Variants in KIR2DL3 observed in about 807,000 individuals in gnomAD.
KIR2DL3 encodes the protein killer cell immunoglobulin like receptor, two Ig domains and long cytoplasmic tail 3, also known as killer cell immunoglobulin-like receptor 2DL3.
A neutral mutation model predicts 33.8 loss-of-function variants in KIR2DL3; 39 were observed. That is an observed-to-expected ratio of 1.15 (90% CI 0.89 to 1.51). The LOEUF is 1.51. Among genes scored for constraint, KIR2DL3 ranks in the 40% most tolerant of loss-of-function variants. The probability of loss-of-function intolerance (pLI) is 0.00; values close to 1 mark genes in which losing one functional copy is unlikely to be tolerated. For missense variants in KIR2DL3, 462 were observed against 426.2 expected, an observed-to-expected ratio of 1.08 and a Z score of -0.74; for synonymous variants, 174 against 160.2, an observed-to-expected ratio of 1.09 and a Z score of -0.65.
In KIR2DL3 at chr19:54,741,487, A is replaced by G. The variant is rs1260606845; in HGVS notation, c.71-493A>G. Among the ~76,000 whole-genome samples, 7 of 152,272 alleles carry G rather than the reference A, an allele frequency of 4.6e-5. No individual in the cohort carries two copies. In the East Asian group the frequency reaches 9.7e-4, roughly 21 times the overall value. On this transcript the variant is annotated intron_variant, in intron 2 of 7. Coordinates refer to ENST00000342376, the MANE Select transcript of KIR2DL3 (RefSeq NM_015868.3). ...TCCAACCAGCACCAGGAGCCAGCCTATGGAAGCTGGCACCATGGAGAAGGC... is the reference window on the plus strand; with the variant it reads ...TCCAACCAGCACCAGGAGCCAGCCTGTGGAAGCTGGCACCATGGAGAAGGC...
chr19:54,741,964 C>G lies in KIR2DL3; in HGVS notation c.71-16C>G, dbSNP rs1174900767. 16 of 1,595,548 alleles carry G rather than the reference C, an allele frequency of 1.0e-5. No individual in the cohort carries two copies. The highest frequency in any genetic ancestry group is 1.4e-5 in the Non-Finnish European group (16 of 1,166,666). On this transcript the variant is annotated splice_polypyrimidine_tract_variant and intron_variant, in intron 2 of 7. Coordinates refer to ENST00000342376, the MANE Select transcript of KIR2DL3 (RefSeq NM_015868.3). ...TAAAGAGAGACACCTTCTAAACTCACAACCTCTCTTCCTAGGAGTCCACAG... is the reference window on the plus strand; with the variant it reads ...TAAAGAGAGACACCTTCTAAACTCAGAACCTCTCTTCCTAGGAGTCCACAG...
rs796320051 is a variant in KIR2DL3, at chr19:54,739,468, G to C, written c.35-39G>C. ...GGGGGCAGCAAGGGAGGCCTGGTTTGCCTGCAGATGGATGGTCCATCATGA... is the reference window on the plus strand; with the variant it reads ...GGGGGCAGCAAGGGAGGCCTGGTTTCCCTGCAGATGGATGGTCCATCATGA... On this transcript the variant is annotated intron_variant, in intron 1 of 7. Transcript: ENST00000342376. 1.5e-4 allele frequency: 240 copies of C among 1,613,554 alleles called. No individual in the cohort carries two copies. In the African/African-American group the frequency reaches 2.9e-3, roughly 19 times the overall value.
chr19:54,751,499 G>C, intron 5 of KIR2DL3, 150 bp from the exon 6 acceptor site: 2 of 682,090 alleles, frequency 2.9e-6, no homozygotes, highest in Non-Finnish European at 4.9e-6. Context: ...CTATAACTGA[G>C]AAAGCAGGAG....
chr19:54,738,678 A>T lies in KIR2DL3; in HGVS notation c.34+99A>T, dbSNP rs1303730610. The T allele has an allele frequency of 5.8e-6, 9 of 1,542,454 alleles. No individual in the cohort carries two copies. The South Asian group carries it at 1.0e-4, about 17-fold the overall frequency. On this transcript the variant is annotated intron_variant, in intron 1 of 7. Transcript: ENST00000342376. ...TGGAAGTGGAGTTATGGGCCTAGAGATGGAGTGATGGGCCTAGAAGTGGAG... is the reference window on the plus strand; with the variant it reads ...TGGAAGTGGAGTTATGGGCCTAGAGTTGGAGTGATGGGCCTAGAAGTGGAG...
At chr19:54,742,523 C>G (rs1035957430) in intron 3 of KIR2DL3, among the ~76,000 whole-genome samples, 1 of 152,048 alleles carries the variant, frequency 6.6e-6, no homozygotes, top group African/African-American at 2.4e-5. Context: ...TTAAAAGAGA[C>G]AGACAGACAG....
At chr19:54,742,766 A>T in intron 3 of KIR2DL3, among the ~76,000 whole-genome samples, 1 of 151,228 alleles carries the variant, frequency 6.6e-6, no homozygotes, top group East Asian at 1.9e-4. Context: ...TCGTCCCAGG[A>T]TATCATGGCC....
At chr19:54,745,479 C>T (rs1438406444) in intron 4 of KIR2DL3, among the ~76,000 whole-genome samples, 2 of 151,956 alleles carry the variant, frequency 1.3e-5, no homozygotes, top group East Asian at 3.9e-4. Flanking sequence ...TTTCCTGCCT[C>T]AGCCTCCCTA....
chr19:54,744,870 T>TTATATATATATATATATA (rs1185648350), intron 4 of KIR2DL3, among the ~76,000 whole-genome samples: 234 of 78,318 alleles, frequency 3.0e-3, no homozygotes, highest in Middle Eastern at 6.8e-3. Flanking sequence ...ATAAATACAT[T>TTATATATATATATATATA]TATATATATA....
At chr19:54,746,908 G>A (rs1291360683) in intron 4 of KIR2DL3, among the ~76,000 whole-genome samples, 1 of 148,002 alleles carries the variant, frequency 6.8e-6, no homozygotes, top group African/African-American at 2.5e-5. Flanking sequence ...ATTGAACCCA[G>A]GAGGCTGTGG....
At chr19:54,744,954 A>ATATATATTT (rs1398407460) in intron 4 of KIR2DL3, among the ~76,000 whole-genome samples, 2 of 31,274 alleles carry the variant, frequency 6.4e-5, no homozygotes, top group Non-Finnish European at 1.2e-4. Context: ...ATATATATAT[A>ATATATATTT]TTTTTTTTTT....
chr19:54,744,227 G>C, intron 4 of KIR2DL3, 139 bp downstream of exon 4: 1 of 1,381,824 alleles, frequency 7.2e-7, no homozygotes, highest in Non-Finnish European at 9.9e-7. Context: ...TCAGGGCACA[G>C]GATGGCAGAC....
At chr19:54,744,984 C>T (rs1268533068) in intron 4 of KIR2DL3, among the ~76,000 whole-genome samples, 4 of 102,382 alleles carry the variant, frequency 3.9e-5, no homozygotes, top group Non-Finnish European at 5.9e-5. Flanking sequence ...TTTTACCCTC[C>T]ACCCTTTTAT....
At chr19:54,740,560 G>T (rs1211869021) in intron 2 of KIR2DL3, among the ~76,000 whole-genome samples, 4 of 150,064 alleles carry the variant, frequency 2.7e-5, no homozygotes, top group African/African-American at 9.9e-5. Context: ...AGGTCAGAGG[G>T]CTCCTGTCTT....
At position 54,743,018 on chromosome 19, in the gene KIR2DL3, A is replaced by T. The variant is rs1301195614; in HGVS notation, c.370+739A>T. ...AGGAGTGGTGAGAATGATGGCAGGG[A>T]GCAGAGAAAAGCACTAAAATTAGAG... On this transcript the variant is annotated intron_variant, in intron 3 of 7. Coordinates refer to ENST00000342376, the MANE Select transcript of KIR2DL3 (RefSeq NM_015868.3). Among the ~76,000 whole-genome samples, 5 of 152,006 alleles carry T rather than the reference A, an allele frequency of 3.3e-5. No individual in the cohort carries two copies. The South Asian group carries it at 8.4e-4, about 25-fold the overall frequency.
At chr19:54,739,694 C>A (rs907007367) in intron 2 of KIR2DL3, 152 bp downstream of exon 2, 2 of 1,320,960 alleles carry the variant, frequency 1.5e-6, no homozygotes, top group Non-Finnish European at 2.1e-6. Context: ...CCTCCCTGGC[C>A]TCTCAACCCC....
intron 1 of KIR2DL3, among the ~76,000 whole-genome samples, chr19:54,739,121 G>T (rs1232105299): frequency 2.0e-5 from 3 of 151,374 alleles, no homozygotes; most frequent in Admixed American, 2.0e-4. Context: ...TATGGGCCTG[G>T]GTGTGGAGAT....
At chr19:54,743,423 G>A (rs11667532) in intron 3 of KIR2DL3, among the ~76,000 whole-genome samples, 29,620 of 151,974 alleles carry the variant, frequency 0.19, 3,397 homozygotes, top group Non-Finnish European at 0.26. Flanking sequence ...TTGTAGATAG[G>A]CACCGAATAG....
intron 2 of KIR2DL3, among the ~76,000 whole-genome samples, chr19:54,740,265 C>A (rs1373658385): frequency 6.6e-6 from 1 of 151,972 alleles, no homozygotes; most frequent in East Asian, 1.9e-4. Context: ...CTCCTTCTCC[C>A]CAAGGTGGTC....
intron 2 of KIR2DL3, among the ~76,000 whole-genome samples, chr19:54,740,568 C>A (rs1156945223): frequency 6.7e-6 from 1 of 149,772 alleles, no homozygotes; most frequent in Non-Finnish European, 1.5e-5. Flanking sequence ...GGGCTCCTGT[C>A]TTGGATTCTC....
Sources: allele counts gnomAD v4.1 joint callset (sites outside exome capture counted in the v4.1 genomes callset), GRCh38; gene constraint gnomAD v4.1.1; transcripts MANE v1.5; gene names NCBI Gene and HGNC (gene_info 2026-07-23, HGNC 2026-07-21).